DIAPH2: variants seen among roughly 807,000 people sequenced by gnomAD.
DIAPH2 encodes the protein diaphanous related formin 2, also known as protein diaphanous homolog 2.
Under a neutral mutation model 92.7 loss-of-function variants are expected in DIAPH2, and 35 were observed. The observed-to-expected ratio is 0.38, with a 90% CI of 0.29 to 0.50. DIAPH2 has a LOEUF of 0.50. Among genes scored for constraint, DIAPH2 ranks in the 20% least tolerant of loss-of-function variants. The pLI, the probability that DIAPH2 is intolerant of heterozygous loss-of-function variation, is 0.94. For synonymous variants in DIAPH2, 301 were observed against 280.4 expected (o/e 1.07, Z -0.73); for missense variants, 701 against 819.5 (o/e 0.86, Z 1.77).
chrX:96,756,792 T>C (rs1429049264), intron 3 of DIAPH2, among the ~76,000 whole-genome samples: 1 of 111,513 alleles, frequency 9.0e-6, no homozygotes, highest in Non-Finnish European at 1.9e-5. Flanking sequence ...TATTTTCCTC[T>C]TTTTTTCTAG....
At chrX:97,034,660 C>T (rs2066398342) in intron 17 of DIAPH2, among the ~76,000 whole-genome samples, 1 of 110,827 alleles carries the variant, frequency 9.0e-6, no homozygotes, top group Admixed American at 9.6e-5. Flanking sequence ...TTAACATAAC[C>T]TCCTCTTTTC....
chrX:96,813,208 T>A (rs941878249), intron 4 of DIAPH2, among the ~76,000 whole-genome samples: 1 of 111,607 alleles, frequency 9.0e-6, no homozygotes, highest in African/African-American at 3.3e-5. Flanking sequence ...GGTGCTCCTG[T>A]ATTGGGCGCA....
intron 26 of DIAPH2, among the ~76,000 whole-genome samples, chrX:97,576,222 A>C (rs2071398854): frequency 9.0e-6 from 1 of 111,555 alleles, no homozygotes; most frequent in South Asian, 3.8e-4. Flanking sequence ...GCCCTCTGAC[A>C]TCAAAAGGTC....
At chrX:97,401,129 A>T (rs1447180806) in intron 25 of DIAPH2, among the ~76,000 whole-genome samples, 2 of 110,538 alleles carry the variant, frequency 1.8e-5, no homozygotes, top group Non-Finnish European at 3.8e-5. Context: ...AATGATAGCA[A>T]AGTATTTGGG....
intron 1 of DIAPH2, among the ~76,000 whole-genome samples, chrX:96,723,914 TA>T (rs2064004099): frequency 3.3e-5 from 3 of 91,735 alleles, no homozygotes; most frequent in Non-Finnish European, 4.4e-5. Flanking sequence ...AGTGATTCTA[TA>T]ATTTTTTTTT....
At chrX:97,147,936 C>A (rs191172264) in intron 22 of DIAPH2, among the ~76,000 whole-genome samples, 53 of 111,228 alleles carry the variant, frequency 4.8e-4, no homozygotes, top group African/African-American at 1.6e-3. Context: ...TCTATGGATT[C>A]ATTCCATAGT....
chrX:97,276,236 A>G (rs2068450611), intron 23 of DIAPH2, among the ~76,000 whole-genome samples: 1 of 111,631 alleles, frequency 9.0e-6, no homozygotes, highest in Admixed American at 9.5e-5. Flanking sequence ...AGTACAGTCC[A>G]GCTTCGGCTC....
At chrX:97,560,667 AT>A (rs1466614725) in intron 26 of DIAPH2, among the ~76,000 whole-genome samples, 1 of 111,506 alleles carries the variant, frequency 9.0e-6, no homozygotes, top group Non-Finnish European at 1.9e-5. Context: ...TAGTTTTTGT[AT>A]TTTTAGTAGA....
intron 3 of DIAPH2, among the ~76,000 whole-genome samples, chrX:96,744,017 GTATAA>G (rs1253349404): frequency 2.7e-5 from 3 of 111,486 alleles, no homozygotes; most frequent in East Asian, 2.8e-4. Flanking sequence ...TTAAATAACA[GTATAA>G]TATAATAGGA....
At chrX:97,444,783 T>C (rs1266734108) in intron 26 of DIAPH2, among the ~76,000 whole-genome samples, 3 of 111,912 alleles carry the variant, frequency 2.7e-5, no homozygotes, top group African/African-American at 9.7e-5. Context: ...CAATCATGAA[T>C]TGAAAAGAAA....
At chrX:97,517,487 G>A (rs1261412102) in intron 26 of DIAPH2, among the ~76,000 whole-genome samples, 1 of 111,642 alleles carries the variant, frequency 9.0e-6, no homozygotes, top group Non-Finnish European at 1.9e-5. Flanking sequence ...AACCTAAAGG[G>A]AGGGAAAAAA....
At chrX:97,176,218 A>C (rs2067490293) in intron 22 of DIAPH2, among the ~76,000 whole-genome samples, 1 of 112,288 alleles carries the variant, frequency 8.9e-6, no homozygotes, top group South Asian at 3.7e-4. Flanking sequence ...GCCATCAAAT[A>C]AATGCCTTAG....
chrX:96,951,054 G>A (rs1294581354), intron 15 of DIAPH2, among the ~76,000 whole-genome samples: 1 of 111,758 alleles, frequency 8.9e-6, no homozygotes, highest in African/African-American at 3.3e-5. Context: ...ATACTCATTA[G>A]CATATTAAAG....
At chrX:97,127,525 C>T (rs1016478558) in intron 21 of DIAPH2, among the ~76,000 whole-genome samples, 1 of 112,300 alleles carries the variant, frequency 8.9e-6, no homozygotes, top group Non-Finnish European at 1.9e-5. Context: ...CAAATTTCAG[C>T]TTTCAAAAAG....
At chrX:96,745,309 AC>A in intron 3 of DIAPH2, among the ~76,000 whole-genome samples, 2 of 111,658 alleles carry the variant, frequency 1.8e-5, no homozygotes, top group East Asian at 5.6e-4. Context: ...CCCAGCCAAA[AC>A]GTTTTAAATA....
intron 22 of DIAPH2, among the ~76,000 whole-genome samples, chrX:97,225,756 G>T (rs1602430250): frequency 9.0e-6 from 1 of 111,294 alleles, no homozygotes; most frequent in Non-Finnish European, 1.9e-5. Context: ...CCCAATTAAT[G>T]TATTTTTAAG....
At chrX:96,775,968 C>T (rs2064374849) in intron 4 of DIAPH2, among the ~76,000 whole-genome samples, 1 of 111,667 alleles carries the variant, frequency 9.0e-6, no homozygotes, top group Non-Finnish European at 1.9e-5. Flanking sequence ...TTTAGTGACA[C>T]ATACATCAAT....
At chrX:97,194,160 A>G (rs1037914745) in intron 22 of DIAPH2, among the ~76,000 whole-genome samples, 6 of 111,317 alleles carry the variant, frequency 5.4e-5, no homozygotes, top group Non-Finnish European at 1.1e-4. Context: ...CATTTGCTCC[A>G]TATCTCTGCT....
At chrX:96,810,344 C>T (rs1005234604) in intron 4 of DIAPH2, among the ~76,000 whole-genome samples, 3 of 111,913 alleles carry the variant, frequency 2.7e-5, no homozygotes, top group Non-Finnish European at 5.6e-5. Flanking sequence ...TCATATCTTT[C>T]ACCCACTTTT....
Sources: gnomAD v4.1 joint callset for allele counts (sites outside exome capture counted in the v4.1 genomes callset) on GRCh38, gnomAD v4.1.1 for gene constraint, MANE v1.5 for transcripts, NCBI Gene and HGNC (gene_info 2026-07-23, HGNC 2026-07-21) for gene names.